Variants in NAALADL2 observed in about 807,000 individuals in gnomAD.
NAALADL2 encodes the protein inactive N-acetylated-alpha-linked acidic dipeptidase-like protein 2.
Under a neutral mutation model 87.2 loss-of-function variants are expected in NAALADL2, and 76 were observed. That is an observed-to-expected ratio of 0.87 (90% confidence interval 0.72 to 1.05). NAALADL2 has a LOEUF of 1.05. Among genes scored for constraint, NAALADL2 ranks in the 50% least tolerant of loss-of-function variants. The pLI, the probability that NAALADL2 is intolerant of heterozygous loss-of-function variation, is 0.00. For synonymous variants in NAALADL2, 354 were observed against 331.0 expected (o/e 1.07, Z -0.75); for missense variants, 1,089 against 945.8 (o/e 1.15, Z -1.99).
chr3:174,951,581 T>C (rs1368124809), intron 1 of NAALADL2, among the ~76,000 whole-genome samples: 1 of 152,114 alleles, frequency 6.6e-6, no homozygotes, highest in Non-Finnish European at 1.5e-5. Context: ...GCAATATATG[T>C]TTAGGTAAAG....
Position 175,603,109 on chromosome 3 carries a change from T to A in NAALADL2, c.1801-24182T>A, listed in dbSNP as rs542433245. ...TTCAGTAACTTTAAAATTAACACAA[T>A]GTCTTTCATCTAATCTACTGCTCAT... On this transcript the variant is annotated intron_variant, in intron 10 of 13. Transcript: ENST00000454872. Among the ~76,000 whole-genome samples the A allele has an allele frequency of 4.6e-5, 7 of 152,308 alleles. No individual in the cohort carries two copies. The East Asian group carries it at 1.4e-3, about 29-fold the overall frequency.
chr3:175,799,267 T>C (rs1218603725), intron 13 of NAALADL2, among the ~76,000 whole-genome samples: 1 of 152,072 alleles, frequency 6.6e-6, no homozygotes, highest in Non-Finnish European at 1.5e-5. Flanking sequence ...TGATTAATTT[T>C]TTAATTATAG....
chr3:175,423,028 A>AAAAAAAAAATATATAT (rs1438736874), intron 5 of NAALADL2, among the ~76,000 whole-genome samples: 3 of 111,318 alleles, frequency 2.7e-5, no homozygotes, highest in African/African-American at 1.2e-4. Flanking sequence ...GAAAAAAAAA[A>AAAAAAAAAATATATAT]ATATATATAT....
At chr3:175,672,122 T>A (rs1335171698) in intron 11 of NAALADL2, among the ~76,000 whole-genome samples, 1 of 152,060 alleles carries the variant, frequency 6.6e-6, no homozygotes, top group Non-Finnish European at 1.5e-5. Context: ...GGAGCAGGAG[T>A]TGCTGAGGGA....
At chr3:175,021,807 G>A (rs1751594892) in intron 1 of NAALADL2, among the ~76,000 whole-genome samples, 1 of 152,108 alleles carries the variant, frequency 6.6e-6, no homozygotes, top group Admixed American at 6.6e-5. Context: ...AAGTCTGTAA[G>A]TGCAAAGTTG....
chr3:175,173,518 C>G (rs920785187), intron 2 of NAALADL2, among the ~76,000 whole-genome samples: 1 of 151,996 alleles, frequency 6.6e-6, no homozygotes, highest in Non-Finnish European at 1.5e-5. Flanking sequence ...ATTCCAATGA[C>G]ATTTTTCAAA....
intron 1 of NAALADL2, among the ~76,000 whole-genome samples, chr3:174,529,002 C>T (rs919323147): frequency 1.3e-5 from 2 of 152,132 alleles, no homozygotes; most frequent in African/African-American, 4.8e-5. Context: ...GTCATGCCTT[C>T]CCAACAGTCC....
At chr3:174,931,853 G>A (rs115406863) in intron 1 of NAALADL2, among the ~76,000 whole-genome samples, 6,885 of 152,280 alleles carry the variant, frequency 0.045, 206 homozygotes, top group South Asian at 0.063. Flanking sequence ...GTGAGCTTCT[G>A]AGATCAGATA....
chr3:175,463,503 G>A lies in NAALADL2; in HGVS notation c.1327+10G>A, dbSNP rs772502779. The A allele has an allele frequency of 1.0e-5, 15 of 1,480,944 alleles. No homozygotes were observed. The African/African-American group carries it at 1.7e-4, about 17-fold the overall frequency. The allele number at this position is 1,480,944 out of a possible 1,614,324, so 91.7% of individuals were successfully genotyped here. A position where few individuals can be genotyped will look rare whatever the true frequency, so the allele number is the denominator to read the frequency against. On this transcript the variant is annotated intron_variant, in intron 7 of 13. Coordinates refer to ENST00000454872, the MANE Select transcript of NAALADL2 (RefSeq NM_207015.3). ...GGCTTGACATCTCCAGGTAAGTAGG[G>A]TTGAAAATTTATAATCTACACTTTA...
intron 5 of NAALADL2, among the ~76,000 whole-genome samples, chr3:175,389,909 T>C (rs1768870415): frequency 6.6e-6 from 1 of 152,184 alleles, no homozygotes; most frequent in Non-Finnish European, 1.5e-5. Context: ...AATTGAATTC[T>C]AAAGCAGAAT....
chr3:175,232,351 G>C (rs375431190), intron 2 of NAALADL2, among the ~76,000 whole-genome samples: 2 of 152,160 alleles, frequency 1.3e-5, no homozygotes, highest in East Asian at 3.9e-4. Flanking sequence ...GCATCTTCCT[G>C]TGTAGGCCAC....
chr3:174,693,650 A>T (rs1728781205), intron 2 of NAALADL2, among the ~76,000 whole-genome samples: 1 of 152,174 alleles, frequency 6.6e-6, no homozygotes, highest in African/African-American at 2.4e-5. Flanking sequence ...TGAAGAAGCA[A>T]GAAAAGGAAT....
At chr3:175,626,668 TG>T (rs1456003383) in intron 10 of NAALADL2, among the ~76,000 whole-genome samples, 1 of 151,880 alleles carries the variant, frequency 6.6e-6, no homozygotes, top group African/African-American at 2.4e-5. Context: ...CTCTACTTTT[TG>T]ACTCCCATGG....
chr3:174,884,730 A>C (rs1381382704), intron 1 of NAALADL2, among the ~76,000 whole-genome samples: 3 of 152,158 alleles, frequency 2.0e-5, no homozygotes, highest in Non-Finnish European at 4.4e-5. Context: ...CCACACCCTT[A>C]ATATACACTC....
At chr3:175,539,794 A>C (rs894913281) in intron 9 of NAALADL2, among the ~76,000 whole-genome samples, 1 of 152,170 alleles carries the variant, frequency 6.6e-6, no homozygotes, top group African/African-American at 2.4e-5. Flanking sequence ...GGCACTGAGA[A>C]AAATTTTATG....
At chr3:174,915,490 G>A (rs1734245065) in intron 1 of NAALADL2, among the ~76,000 whole-genome samples, 1 of 152,094 alleles carries the variant, frequency 6.6e-6, no homozygotes, top group Non-Finnish European at 1.5e-5. Flanking sequence ...GTAGAGACAG[G>A]TTTTGAGCCC....
intron 1 of NAALADL2, among the ~76,000 whole-genome samples, chr3:174,912,227 G>T (rs1352109893): frequency 1.3e-5 from 2 of 152,066 alleles, no homozygotes; most frequent in African/African-American, 4.8e-5. Flanking sequence ...CAAGATATAG[G>T]TGTTTGCATG....
Position 175,588,534 on chromosome 3 carries a change from CTTT to C in NAALADL2, c.1800+12367_1800+12369del, listed in dbSNP as rs1168817019. ...TTAGGAGACTTTCTTTCTTTCTTTT[CTTT>C]TTTTTTTTTTTTTTTTTTTGAGATG... On this transcript the variant is annotated intron_variant, in intron 10 of 13. Transcript: ENST00000454872. Among the ~76,000 whole-genome samples, 535 of 78,134 alleles carry C rather than the reference CTTT, an allele frequency of 6.8e-3. 2 individuals are homozygous for C. The highest frequency in any genetic ancestry group is 0.024 in the African/African-American group (467 of 19,298). 51.3% of individuals were successfully genotyped at this position (78,134 alleles called of 152,430 possible).
chr3:175,009,189 C>T (rs1749454841), intron 1 of NAALADL2, among the ~76,000 whole-genome samples: 2 of 152,118 alleles, frequency 1.3e-5, no homozygotes, highest in African/African-American at 2.4e-5. Flanking sequence ...TCATTTCTAA[C>T]ACGTTCTCAG....
Sources: allele counts gnomAD v4.1 joint callset (sites outside exome capture counted in the v4.1 genomes callset), GRCh38; gene constraint gnomAD v4.1.1; transcripts MANE v1.5; gene names NCBI Gene and HGNC (gene_info 2026-07-23, HGNC 2026-07-21).